Variants in GPC6 observed in about 807,000 individuals in gnomAD.
GPC6 encodes glypican-6.
GPC6 carries 14 observed loss-of-function variants against 55.2 expected under a neutral mutation model. The ratio of observed to expected loss-of-function variants is 0.25; its 90% CI spans 0.17 to 0.40. GPC6 has a LOEUF of 0.40. Ranked by LOEUF, GPC6 falls within the 10% of genes least tolerant of loss-of-function variation. GPC6 has a pLI of 1.00. For missense variants in GPC6, 641 were observed against 708.5 expected (o/e 0.90, Z 1.08); for synonymous variants, 278 against 259.6 (o/e 1.07, Z -0.68).
intron 1 of GPC6, among the ~76,000 whole-genome samples, chr13:93,340,701 A>T (rs1030858155): frequency 6.6e-6 from 1 of 152,146 alleles, no homozygotes; most frequent in African/African-American, 2.4e-5. Flanking sequence ...GAGTTTGGGG[A>T]TAAGGTTGGA....
intron 2 of GPC6, among the ~76,000 whole-genome samples, chr13:93,576,281 G>A (rs765984483): frequency 9.2e-5 from 14 of 152,090 alleles, no homozygotes; most frequent in Non-Finnish European, 1.9e-4. Flanking sequence ...AATGGAGAAA[G>A]AGGGAGTCAA....
chr13:94,172,367 T>A (rs543216942), intron 4 of GPC6, among the ~76,000 whole-genome samples: 1 of 152,324 alleles, frequency 6.6e-6, no homozygotes, highest in South Asian at 2.1e-4. Flanking sequence ...TTCAGTATAT[T>A]ATTAAATTTC....
intron 3 of GPC6, among the ~76,000 whole-genome samples, chr13:94,012,332 A>G (rs1882280730): frequency 6.6e-6 from 1 of 152,150 alleles, no homozygotes. Context: ...AAGAATGGGC[A>G]TTATTCATGG....
chr13:94,387,822 A>G (rs911789631), intron 7 of GPC6, among the ~76,000 whole-genome samples: 15 of 151,976 alleles, frequency 9.9e-5, no homozygotes, highest in African/African-American at 3.6e-4. Context: ...AGCCCTAATC[A>G]GACACAGGAT....
At chr13:93,401,509 T>C (rs912563646) in intron 1 of GPC6, among the ~76,000 whole-genome samples, 1 of 144,658 alleles carries the variant, frequency 6.9e-6, no homozygotes, top group Non-Finnish European at 1.5e-5. Context: ...ATTAAGTCAA[T>C]TTAGATTAGG....
chr13:93,973,093 C>T (rs1880359012), intron 3 of GPC6, among the ~76,000 whole-genome samples: 2 of 152,104 alleles, frequency 1.3e-5, no homozygotes, highest in African/African-American at 4.8e-5. Context: ...GAGAATGTGT[C>T]ATTAGGTGAT....
chr13:94,365,192 C>T (rs1236343717), intron 6 of GPC6, among the ~76,000 whole-genome samples: 2 of 152,206 alleles, frequency 1.3e-5, no homozygotes, highest in African/African-American at 4.8e-5. Context: ...AGCACATATT[C>T]TGGGGAGGTC....
chr13:93,934,484 A>G (rs1289478348), intron 3 of GPC6, among the ~76,000 whole-genome samples: 2 of 152,148 alleles, frequency 1.3e-5, no homozygotes, highest in Non-Finnish European at 2.9e-5. Flanking sequence ...TGACCACTTG[A>G]CACTATACAA....
chr13:94,334,303 G>A (rs890351603), intron 6 of GPC6, among the ~76,000 whole-genome samples: 3 of 152,202 alleles, frequency 2.0e-5, no homozygotes, highest in South Asian at 2.1e-4. Flanking sequence ...GGAGACCACT[G>A]TTTGCTGGCT....
intron 2 of GPC6, among the ~76,000 whole-genome samples, chr13:93,780,907 A>G (rs1190263268): frequency 6.6e-6 from 1 of 152,076 alleles, no homozygotes; most frequent in African/African-American, 2.4e-5. Flanking sequence ...TTGATTACCT[A>G]CATTGTGTAA....
Position 94,286,345 on chromosome 13 carries a change from A to T in GPC6, c.878-4A>T. The T allele has an allele frequency of 6.2e-7, 1 of 1,613,746 alleles. No homozygotes were observed. Among genetic ancestry groups the T allele is most frequent in the East Asian group, 2.2e-5 (1 of 44,866 alleles). On this transcript the variant is annotated splice_region_variant and splice_polypyrimidine_tract_variant and intron_variant, in intron 4 of 8. Transcript: ENST00000377047. ...AAATAAATCATGTTCCTGTATTTTA[A>T]CAGATGCAATGCTCTTGGTGGCAGA...
At chr13:93,342,591 G>A (rs1319816655) in intron 1 of GPC6, among the ~76,000 whole-genome samples, 3 of 152,168 alleles carry the variant, frequency 2.0e-5, no homozygotes. Flanking sequence ...AGACTTGGGT[G>A]GGGGAACAGC....
chr13:93,944,310 TCTC>T (rs1171031081), intron 3 of GPC6, among the ~76,000 whole-genome samples: 2 of 152,034 alleles, frequency 1.3e-5, no homozygotes, highest in Non-Finnish European at 2.9e-5. Context: ...TTCACGCCAT[TCTC>T]CTGCCTCAGC....
chr13:93,831,872 C>A (rs550483195), intron 3 of GPC6, among the ~76,000 whole-genome samples: 1 of 149,966 alleles, frequency 6.7e-6, no homozygotes, highest in Non-Finnish European at 1.5e-5. Flanking sequence ...GGGCAGATCT[C>A]GAGGGCAGGA....
intron 2 of GPC6, among the ~76,000 whole-genome samples, chr13:93,624,171 G>A (rs1231279325): frequency 6.7e-6 from 1 of 149,230 alleles, no homozygotes; most frequent in East Asian, 2.0e-4. Context: ...GCTTCTCTGA[G>A]CACAAATGTG....
intron 4 of GPC6, among the ~76,000 whole-genome samples, chr13:94,284,452 GTA>G: frequency 2.3e-5 from 3 of 130,964 alleles, no homozygotes; most frequent in Admixed American, 2.1e-4. Context: ...ATGAATACAT[GTA>G]TGTTTTTTTT....
At chr13:93,881,885 C>T (rs894228861) in intron 3 of GPC6, among the ~76,000 whole-genome samples, 4 of 152,016 alleles carry the variant, frequency 2.6e-5, no homozygotes, top group African/African-American at 4.8e-5. Flanking sequence ...ATTTGTTCAA[C>T]CCTAGGACAC....
intron 1 of GPC6, among the ~76,000 whole-genome samples, chr13:93,431,005 G>T (rs985025251): frequency 6.6e-6 from 1 of 152,032 alleles, no homozygotes; most frequent in African/African-American, 2.4e-5. Flanking sequence ...TGTATTAAAA[G>T]ATTCTACCAT....
Position 94,220,531 on chromosome 13 carries a change from C to T in GPC6, c.878-65818C>T, listed in dbSNP as rs1257871331. Among the ~76,000 whole-genome samples, 7 of 151,924 alleles carry T rather than the reference C, an allele frequency of 4.6e-5. No individual in the cohort carries two copies. In the South Asian group the frequency reaches 1.2e-3, roughly 27 times the overall value. ...TCTATTTTTTTTTCCAAAAAGACTC[C>T]GTAATACTTTGCTAGACTCTGTAAT... On this transcript the variant is annotated intron_variant, in intron 4 of 8. Coordinates refer to ENST00000377047, the MANE Select transcript of GPC6 (RefSeq NM_005708.5).
Sources: gnomAD v4.1 joint callset for allele counts (sites outside exome capture counted in the v4.1 genomes callset) on GRCh38, gnomAD v4.1.1 for gene constraint, MANE v1.5 for transcripts, NCBI Gene and HGNC (gene_info 2026-07-23, HGNC 2026-07-21) for gene names.